NPRL3: variants seen among roughly 807,000 people sequenced by gnomAD.
NPRL3 encodes GATOR1 complex protein NPRL3.
NPRL3 carries 23 observed loss-of-function variants against 57.2 expected under a neutral mutation model. The observed-to-expected ratio is 0.40, with a 90% CI of 0.29 to 0.57. The LOEUF is 0.57. Ranked by LOEUF, NPRL3 falls within the 20% of genes least tolerant of loss-of-function variation. The probability of loss-of-function intolerance (pLI) is 0.42; values close to 1 mark genes in which losing one functional copy is unlikely to be tolerated. For missense variants in NPRL3, 691 were observed against 767.1 expected (o/e 0.90, Z 1.17); for synonymous variants, 333 against 321.1 (o/e 1.04, Z -0.39).
intron 7 of NPRL3, among the ~76,000 whole-genome samples, chr16:107,270 G>C (rs1484186004): frequency 6.6e-6 from 1 of 152,192 alleles, no homozygotes; most frequent in South Asian, 2.1e-4. Context: ...TCACACAACA[G>C]GCAGTCCAAG....
chr16:108,335 T>C (rs992716629), intron 7 of NPRL3, among the ~76,000 whole-genome samples: 2 of 151,966 alleles, frequency 1.3e-5, no homozygotes, highest in East Asian at 1.9e-4. Flanking sequence ...CATTCCCCAC[T>C]TGTTATACTG....
chr16:100,467 C>T lies in NPRL3; in HGVS notation c.672G>A (p.Trp224Ter). The part of the protein sequence containing the change: ...SGVVRLHINS[W>*]LEVSFCLPHK... ...GGGGCAGGCAGAAGCTCACCTCCAG[C>T]CAGCTGTTGATGTGAAGCCGAACTA... is the stretch of plus-strand genomic sequence containing the variant. The change falls in exon 8 of 14, where the codon TGG becomes TGA. Residue 224 changes from tryptophan (W) to a stop codon, truncating the protein, a stop_gained. Coordinates refer to ENST00000611875, the MANE Select transcript of NPRL3 (RefSeq NM_001077350.3). LOFTEE classifies it high-confidence loss of function. 1.2e-6 allele frequency: 2 copies of T among 1,602,504 alleles called. No homozygotes were observed. The highest frequency in any genetic ancestry group is 8.5e-7 in the Non-Finnish European group (1 of 1,175,848).
At chr16:103,312 T>TTTTC (rs1899387770) in intron 7 of NPRL3, among the ~76,000 whole-genome samples, 2 of 128,512 alleles carry the variant, frequency 1.6e-5, no homozygotes, top group Admixed American at 7.9e-5. Context: ...TTTTTTTTTT[T>TTTTC]TTTTTTTTTT....
Position 88,903 on chromosome 16 carries a change from T to C in NPRL3, c.1352-13A>G, listed in dbSNP as rs1567128939. The C allele has an allele frequency of 6.3e-7, 1 of 1,599,212 alleles. No homozygotes were observed. The highest frequency in any genetic ancestry group is 8.6e-7 in the Non-Finnish European group (1 of 1,167,960). ...TCATCGCTGCTGGCTGTGGGGGACA[T>C]GGGTCAGGGTGACCAAGTGGAATTC... is the stretch of plus-strand genomic sequence containing the variant. On this transcript the variant is annotated splice_polypyrimidine_tract_variant and intron_variant, in intron 12 of 13. Transcript: ENST00000611875.
chr16:92,962 A>G, intron 10 of NPRL3: 1 of 622,608 alleles, frequency 1.6e-6, no homozygotes, highest in South Asian at 1.9e-5. Flanking sequence ...TGATCCCTCA[A>G]GGTGGATTAG....
intron 7 of NPRL3, among the ~76,000 whole-genome samples, chr16:107,470 C>T (rs1899584687): frequency 6.6e-6 from 1 of 151,838 alleles, no homozygotes; most frequent in Non-Finnish European, 1.5e-5. Flanking sequence ...ATGGTGAAAC[C>T]CCATCTCTAC....
At chr16:124,479 G>T (rs1900428738) in intron 3 of NPRL3, among the ~76,000 whole-genome samples, 1 of 152,048 alleles carries the variant, frequency 6.6e-6, no homozygotes, top group Non-Finnish European at 1.5e-5. Flanking sequence ...GGGATTACAG[G>T]CGTGAGCCAC....
At chr16:100,295 G>GT in intron 8 of NPRL3, 77 bp downstream of exon 8, 1 of 1,360,612 alleles carries the variant, frequency 7.3e-7, no homozygotes, top group Non-Finnish European at 9.6e-7. Flanking sequence ...TTGGAACAAA[G>GT]TAAGTGGTAA....
chr16:88,522 A>T (rs1898602802), intron 13 of NPRL3, among the ~76,000 whole-genome samples, 176 bp downstream of exon 13: 2 of 152,160 alleles, frequency 1.3e-5, no homozygotes, highest in Non-Finnish European at 1.5e-5. Context: ...GACAAGCCGA[A>T]CCCTCAGGCC....
chr16:108,126 C>G (rs60071132), intron 7 of NPRL3, among the ~76,000 whole-genome samples: 6,685 of 152,198 alleles, frequency 0.044, 474 homozygotes, highest in African/African-American at 0.15. Flanking sequence ...GGCTCAGTCC[C>G]CAGGGTCACC....
In NPRL3 at chr16:117,452, A is replaced by G. The variant is rs988581681; in HGVS notation, c.319-77T>C. ...TGTTTAGAGCTATTCTACTTCAGGC[A>G]TGGCAAAAGTCCCCAGAATACAGCA... On this transcript the variant is annotated intron_variant, in intron 4 of 13. Transcript: ENST00000611875. 15 of 999,366 alleles carry G rather than the reference A, an allele frequency of 1.5e-5. No individual in the cohort carries two copies. The African/African-American group carries it at 1.9e-4, about 13-fold the overall frequency. 61.9% of individuals were successfully genotyped at this position (999,366 alleles called of 1,614,324 possible). A position where few individuals can be genotyped will look rare whatever the true frequency, so the allele number is the denominator to read the frequency against.
chr16:121,298 C>A (rs536833249), intron 3 of NPRL3, among the ~76,000 whole-genome samples: 8 of 152,134 alleles, frequency 5.3e-5, no homozygotes, highest in Non-Finnish European at 1.2e-4. Context: ...TCTGCAGAGA[C>A]GGCCAACTGG....
chr16:117,360 G>C lies in NPRL3; in HGVS notation c.334C>G (p.Pro112Ala), dbSNP rs1334111797. The C allele has an allele frequency of 6.2e-7, 1 of 1,609,178 alleles. No homozygotes were observed. Among genetic ancestry groups the C allele is most frequent in the East Asian group, 2.2e-5 (1 of 44,848 alleles). The part of the protein sequence containing the change: ...HALGQISKTD[P>A]SPKREAPTMI... ...GTAGGTGCTTCCCTCTTCGGGGAAG[G>C]ATCTGTTTTGGAGATCTGTAAAAGA... Residue 112 changes from proline (P) to alanine (A), a missense_variant, in exon 5 of 14, where the codon CCT becomes GCT. By Grantham distance (27) the Pro-to-Ala change is conservative. Transcript: ENST00000611875.
At chr16:105,305 T>C (rs754747294) in intron 7 of NPRL3, among the ~76,000 whole-genome samples, 8 of 152,160 alleles carry the variant, frequency 5.3e-5, no homozygotes, top group Non-Finnish European at 8.8e-5. Context: ...AAAGCATCCA[T>C]TCCTAACCTT....
intron 7 of NPRL3, among the ~76,000 whole-genome samples, chr16:106,232 C>T (rs771662962): frequency 3.3e-5 from 5 of 152,106 alleles, no homozygotes; most frequent in African/African-American, 7.2e-5. Context: ...CACTTAAGCC[C>T]GGGAGACGGA....
chr16:118,658 G>T (rs546039144), intron 4 of NPRL3, among the ~76,000 whole-genome samples: 3 of 152,294 alleles, frequency 2.0e-5, no homozygotes, highest in East Asian at 1.9e-4. Flanking sequence ...TTTTCTACTG[G>T]ACTCTCTGGG....
At chr16:121,932 G>C (rs1394935608) in intron 3 of NPRL3, among the ~76,000 whole-genome samples, 1 of 151,570 alleles carries the variant, frequency 6.6e-6, no homozygotes, top group Non-Finnish European at 1.5e-5. Flanking sequence ...CCGCCACCAC[G>C]CCCAGCTAAT....
intron 3 of NPRL3, among the ~76,000 whole-genome samples, chr16:129,337 G>C (rs894589596): frequency 1.3e-5 from 2 of 152,118 alleles, no homozygotes; most frequent in Non-Finnish European, 2.9e-5. Context: ...TGACAAACCA[G>C]AGTTTGTTCC....
Position 91,223 on chromosome 16 carries a change from C to G in NPRL3, c.1162-1321G>C, listed in dbSNP as rs1295803808. On this transcript the variant is annotated intron_variant, in intron 11 of 13. Coordinates refer to ENST00000611875, the MANE Select transcript of NPRL3 (RefSeq NM_001077350.3). ...TGAAACCCCGTCTCTACTAAAAATA[C>G]AAAAAATTAGCCAGGCGTGGTGGCG... 2.0e-5 allele frequency: 3 copies of G among 150,306 alleles called. No individual in the cohort carries two copies. In the East Asian group the frequency reaches 5.9e-4, roughly 30 times the overall value. The allele number at this position is 150,306 out of a possible 1,614,324, so 9.3% of individuals were successfully genotyped here. A position where few individuals can be genotyped will look rare whatever the true frequency, so the allele number is the denominator to read the frequency against.
Sources: gnomAD v4.1 joint callset for allele counts (sites outside exome capture counted in the v4.1 genomes callset) on GRCh38, gnomAD v4.1.1 for gene constraint, MANE v1.5 for transcripts, NCBI Gene and HGNC (gene_info 2026-07-23, HGNC 2026-07-21) for gene names.